Variants in STAG1 observed in about 807,000 individuals in gnomAD.
The protein encoded by STAG1 is cohesin subunit SA-1.
STAG1 carries 26 observed loss-of-function variants against 170.9 expected under a neutral mutation model. The ratio of observed to expected loss-of-function variants is 0.15; its 90% CI spans 0.11 to 0.21. The LOEUF (loss-of-function observed/expected upper bound fraction) is 0.21, where lower values mean the gene tolerates loss of function less well. Ranked by LOEUF, STAG1 falls within the 10% of genes least tolerant of loss-of-function variation. The pLI is 1.00. For synonymous variants in STAG1, 514 were observed against 497.7 expected (o/e 1.03, Z -0.44); for missense variants, 964 against 1,509.5 (o/e 0.64, Z 5.99).
chr3:136,496,138 C>G (rs1432957901), intron 9 of STAG1, among the ~76,000 whole-genome samples: 1 of 151,978 alleles, frequency 6.6e-6, no homozygotes, highest in Non-Finnish European at 1.5e-5. Context: ...GAGGGAGACT[C>G]CGTCTCAAAA....
In STAG1 at chr3:136,603,507, G is replaced by C. The variant is rs180820741; in HGVS notation, c.297+802C>G. ...TACACACTAAAGAAAAATAATTATG[G>C]CTTATCCTTACAATGCATTAGTGAG... On this transcript the variant is annotated intron_variant, in intron 4 of 33. Coordinates refer to ENST00000383202, the MANE Select transcript of STAG1 (RefSeq NM_005862.3). Among the ~76,000 whole-genome samples, 497 of 152,200 alleles carry C rather than the reference G, an allele frequency of 3.3e-3. 7 individuals are homozygous for C. The East Asian group carries it at 0.046, about 14-fold the overall frequency.
At chr3:136,366,918 G>T in intron 25 of STAG1, 25 bp downstream of exon 25, 1 of 1,529,510 alleles carries the variant, frequency 6.5e-7, no homozygotes, top group Non-Finnish European at 8.8e-7. Context: ...AGAGGAAGGA[G>T]AAAAATAAGA....
intron 3 of STAG1, among the ~76,000 whole-genome samples, chr3:136,620,931 A>T (rs1939817324): frequency 6.6e-6 from 1 of 152,154 alleles, no homozygotes; most frequent in Admixed American, 6.5e-5. Context: ...TTTCATCAAA[A>T]AAGCACAACA....
chr3:136,407,608 T>C (rs1239205817), intron 21 of STAG1, among the ~76,000 whole-genome samples: 1 of 151,694 alleles, frequency 6.6e-6, no homozygotes, highest in Non-Finnish European at 1.5e-5. Flanking sequence ...ATTACAGGTG[T>C]ATGCCACCAT....
chr3:136,682,118 G>A (rs1014693488), intron 1 of STAG1, among the ~76,000 whole-genome samples: 1 of 152,020 alleles, frequency 6.6e-6, no homozygotes, highest in Non-Finnish European at 1.5e-5. Flanking sequence ...TCTTACATGT[G>A]AAAATATAAG....
chr3:136,357,241 C>T (rs1936695307), intron 28 of STAG1, among the ~76,000 whole-genome samples: 1 of 152,116 alleles, frequency 6.6e-6, no homozygotes, highest in African/African-American at 2.4e-5. Flanking sequence ...AGCCACCATG[C>T]CCAGCCTAGA....
At chr3:136,424,415 C>T (rs1051650265) in intron 16 of STAG1, among the ~76,000 whole-genome samples, 9 of 151,198 alleles carry the variant, frequency 6.0e-5, no homozygotes, top group Non-Finnish European at 8.8e-5. Context: ...CTGCAACCTC[C>T]GCTTTGCTTC....
intron 1 of STAG1, among the ~76,000 whole-genome samples, chr3:136,631,477 C>T (rs774837821): frequency 6.6e-6 from 1 of 152,132 alleles, no homozygotes; most frequent in Non-Finnish European, 1.5e-5. Context: ...TGTGTCATTA[C>T]AGATTTGTAA....
chr3:136,407,301 AG>A (rs1402368569), intron 21 of STAG1, among the ~76,000 whole-genome samples: 14 of 152,234 alleles, frequency 9.2e-5, no homozygotes, highest in Non-Finnish European at 2.9e-5. Context: ...CTGGGATTAC[AG>A]GCGTAAGCCA....
intron 7 of STAG1, among the ~76,000 whole-genome samples, chr3:136,512,726 T>A (rs1934133581): frequency 7.2e-6 from 1 of 137,996 alleles, no homozygotes; most frequent in South Asian, 2.5e-4. Flanking sequence ...TAACAACAAT[T>A]GAGGATCTAT....
chr3:136,696,321 T>TAAA (rs1329063047), intron 1 of STAG1, among the ~76,000 whole-genome samples: 2 of 152,162 alleles, frequency 1.3e-5, no homozygotes, highest in Non-Finnish European at 2.9e-5. Flanking sequence ...CTTTGTACCA[T>TAAA]AAATGCTTTT....
In STAG1 at chr3:136,343,819, T is replaced by C; in HGVS notation, c.3446+13A>G. 1 of 1,508,664 alleles carries C rather than the reference T, an allele frequency of 6.6e-7. No individual in the cohort carries two copies. The highest frequency in any genetic ancestry group is 8.9e-7 in the Non-Finnish European group (1 of 1,127,876). The allele number at this position is 1,508,664 out of a possible 1,614,324, so 93.5% of individuals were successfully genotyped here. A position where few individuals can be genotyped will look rare whatever the true frequency, so the allele number is the denominator to read the frequency against. On this transcript the variant is annotated intron_variant, in intron 30 of 33. Transcript: ENST00000383202. ...AAGGCTTTTTGTGAAAAAGACAAAT[T>C]TTTGCTACTTACTTGTGTAAAAAGT... is the stretch of plus-strand genomic sequence containing the variant.
chr3:136,353,644 A>T, intron 28 of STAG1, among the ~76,000 whole-genome samples: 1 of 152,198 alleles, frequency 6.6e-6, no homozygotes. Context: ...GGGCTCAAGC[A>T]ATCTTCCTGC....
chr3:136,350,049 A>G (rs569653972), intron 28 of STAG1, among the ~76,000 whole-genome samples: 78 of 152,234 alleles, frequency 5.1e-4, no homozygotes, highest in African/African-American at 1.9e-3. Context: ...CTGAGGCAGG[A>G]GAATCGCTTG....
intron 1 of STAG1, among the ~76,000 whole-genome samples, chr3:136,666,029 T>C (rs1158906805): frequency 8.2e-6 from 1 of 122,052 alleles, no homozygotes; most frequent in Non-Finnish European, 1.6e-5. Context: ...GCGCCGAGAT[T>C]GCGCCACTGC....
At chr3:136,560,830 A>G (rs531350868) in intron 5 of STAG1, among the ~76,000 whole-genome samples, 18 of 152,326 alleles carry the variant, frequency 1.2e-4, no homozygotes, top group Non-Finnish European at 1.9e-4. Context: ...ACTGGAGCCA[A>G]TGAAGGAGGA....
intron 25 of STAG1, among the ~76,000 whole-genome samples, chr3:136,366,542 G>T (rs1364167024): frequency 6.6e-6 from 1 of 152,048 alleles, no homozygotes; most frequent in African/African-American, 2.4e-5. Context: ...GACACAAGTA[G>T]ATCAAATGAC....
intron 21 of STAG1, among the ~76,000 whole-genome samples, chr3:136,412,904 C>T (rs2087666672): frequency 2.0e-5 from 3 of 151,170 alleles, no homozygotes; most frequent in Admixed American, 2.0e-4. Flanking sequence ...TTCTATCACC[C>T]AGGCTGGAGT....
intron 1 of STAG1, among the ~76,000 whole-genome samples, chr3:136,677,796 T>G (rs1942171976): frequency 1.3e-5 from 2 of 151,526 alleles, no homozygotes; most frequent in Non-Finnish European, 2.9e-5. Flanking sequence ...TAAGGTATTT[T>G]GTTATAGCAG....
Sources: gnomAD v4.1 joint callset for allele counts (sites outside exome capture counted in the v4.1 genomes callset) on GRCh38, gnomAD v4.1.1 for gene constraint, MANE v1.5 for transcripts, NCBI Gene and HGNC (gene_info 2026-07-23, HGNC 2026-07-21) for gene names.